SORCS3: variants seen among roughly 807,000 people sequenced by gnomAD.
SORCS3 encodes the protein sortilin related VPS10 domain containing receptor 3, also known as VPS10 domain-containing receptor SorCS3.
In SORCS3, 57 loss-of-function variants were observed where a neutral mutation model predicts 146.3. That is an observed-to-expected ratio of 0.39 (90% CI 0.31 to 0.49). The LOEUF (loss-of-function observed/expected upper bound fraction) is 0.49. Ranked by LOEUF, SORCS3 falls within the 20% of genes least tolerant of loss-of-function variation. The pLI is 0.92. For missense variants in SORCS3, 1,341 were observed against 1,575.5 expected, an observed-to-expected ratio of 0.85 and a Z score of 2.52; for synonymous variants, 653 against 618.5, an observed-to-expected ratio of 1.06 and a Z score of -0.83.
intron 4 of SORCS3, among the ~76,000 whole-genome samples, chr10:104,992,206 G>T (rs1478683018): frequency 6.6e-6 from 1 of 152,264 alleles, no homozygotes; most frequent in East Asian, 1.9e-4. Flanking sequence ...GAGGCCCTGA[G>T]CCTGGTCAGG....
chr10:105,223,163 A>T lies in SORCS3; in HGVS notation c.2782A>T (p.Asn928Tyr). Residue 928 changes from asparagine (N) to tyrosine (Y), a missense_variant, in exon 20 of 27, where the codon AAT (asparagine) becomes TAT (tyrosine). Physicochemically the swap from Asn to Tyr is moderately radical, Grantham distance 143. Coordinates refer to ENST00000369701, the MANE Select transcript of SORCS3 (RefSeq NM_014978.3). The part of the protein sequence containing the change: ...HLRVPFVAIR[N>Y]KEVNISAVVW... ...CCGAGTTCCATTTGTTGCCATAAGA[A>T]ATAAGGAGGTCAACATCAGTGCAGT... is the stretch of plus-strand genomic sequence containing the variant. 1.2e-6 allele frequency: 2 copies of T among 1,613,172 alleles called. No individual in the cohort carries two copies. The highest frequency in any genetic ancestry group is 1.7e-6 in the Non-Finnish European group (2 of 1,179,278).
At chr10:105,163,527 G>C (rs764166822) in intron 11 of SORCS3, among the ~76,000 whole-genome samples, 5 of 152,150 alleles carry the variant, frequency 3.3e-5, no homozygotes, top group Non-Finnish European at 7.3e-5. Flanking sequence ...TAGGCTGTGA[G>C]AAGAGGGCTG....
chr10:104,681,551 C>T (rs769203514), intron 1 of SORCS3, among the ~76,000 whole-genome samples: 2 of 152,196 alleles, frequency 1.3e-5, no homozygotes, highest in African/African-American at 4.8e-5. Context: ...CCTTGGTTTG[C>T]ACTCTAGCCC....
At chr10:105,044,087 G>C (rs2055354208) in intron 5 of SORCS3, among the ~76,000 whole-genome samples, 2 of 152,064 alleles carry the variant, frequency 1.3e-5, no homozygotes, top group South Asian at 4.1e-4. Context: ...AAAAAGATTT[G>C]GTTAGGCACA....
chr10:105,086,604 A>G (rs1336218242), intron 5 of SORCS3, among the ~76,000 whole-genome samples: 1 of 152,184 alleles, frequency 6.6e-6, no homozygotes, highest in Non-Finnish European at 1.5e-5. Context: ...AGCTCCCAAG[A>G]GGCAGAGACT....
chr10:104,974,174 G>T (rs1413022374), intron 3 of SORCS3, among the ~76,000 whole-genome samples: 2 of 152,116 alleles, frequency 1.3e-5, no homozygotes, highest in Non-Finnish European at 2.9e-5. Flanking sequence ...TATATTTTTT[G>T]ATTTGGGGTG....
At chr10:104,765,373 C>T (rs1295929425) in intron 1 of SORCS3, among the ~76,000 whole-genome samples, 1 of 152,322 alleles carries the variant, frequency 6.6e-6, no homozygotes, top group South Asian at 2.1e-4. Context: ...GCTGTATGGT[C>T]GTGGAGCTAG....
chr10:104,663,825 C>G (rs1188447313), intron 1 of SORCS3, among the ~76,000 whole-genome samples: 1 of 152,118 alleles, frequency 6.6e-6, no homozygotes, highest in African/African-American at 2.4e-5. Context: ...CCCCCCACTC[C>G]TCTTTCTTCT....
At chr10:105,138,223 T>C (rs1250515721) in intron 7 of SORCS3, among the ~76,000 whole-genome samples, 1 of 152,194 alleles carries the variant, frequency 6.6e-6, no homozygotes, top group Non-Finnish European at 1.5e-5. Flanking sequence ...GCCTTCATGC[T>C]GACTCTGACA....
At chr10:105,184,165 T>C (rs1052756649) in intron 14 of SORCS3, among the ~76,000 whole-genome samples, 2 of 152,210 alleles carry the variant, frequency 1.3e-5, no homozygotes, top group Non-Finnish European at 2.9e-5. Flanking sequence ...GGCCACACAG[T>C]AAAGATTTTA....
At chr10:104,892,165 C>T (rs754702871) in intron 2 of SORCS3, among the ~76,000 whole-genome samples, 2 of 152,124 alleles carry the variant, frequency 1.3e-5, no homozygotes, top group Non-Finnish European at 2.9e-5. Context: ...AGGGTCTGTT[C>T]ATCTTTCTTG....
intron 5 of SORCS3, among the ~76,000 whole-genome samples, chr10:105,052,032 GGTA>G (rs1196173149): frequency 6.6e-6 from 1 of 152,074 alleles, no homozygotes; most frequent in Non-Finnish European, 1.5e-5. Context: ...TGGTGCACGT[GGTA>G]GTTAGCCATG....
At position 104,641,934 on chromosome 10, in the gene SORCS3, T is replaced by C. The variant is rs780754990; in HGVS notation, c.607T>C (p.Trp203Arg). 1.3e-5 allele frequency: 18 copies of C among 1,373,146 alleles called. No individual in the cohort carries two copies. The South Asian group carries it at 2.1e-4, about 16-fold the overall frequency. 85.1% of individuals were successfully genotyped at this position (1,373,146 alleles called of 1,614,324 possible). Reference protein sequence around the residue: ...DSAHNQAMVHWSGHNSSVILI... With the variant: ...DSAHNQAMVHRSGHNSSVILI... ...GGCCCACAACCAAGCCATGGTGCACTGGTCGGGACACAACAGCAGCGTGAG... is the reference window on the plus strand; with the variant it reads ...GGCCCACAACCAAGCCATGGTGCACCGGTCGGGACACAACAGCAGCGTGAG... Residue 203 changes from tryptophan (W) to arginine (R), a missense_variant, in exon 1 of 27, where the codon TGG (tryptophan) becomes CGG (arginine). Transcript: ENST00000369701. This position sits in a 1 kb window ranked among gnomAD's most constrained non-coding sequence, Gnocchi z 6.4.
intron 1 of SORCS3, among the ~76,000 whole-genome samples, chr10:104,656,382 C>G (rs902193705): frequency 6.6e-6 from 1 of 152,100 alleles, no homozygotes; most frequent in Non-Finnish European, 1.5e-5. Flanking sequence ...GGTGGCCTGG[C>G]CTGGTGGCTT....
chr10:104,987,057 T>A (rs2054966266), intron 4 of SORCS3, among the ~76,000 whole-genome samples: 1 of 152,142 alleles, frequency 6.6e-6, no homozygotes, highest in African/African-American at 2.4e-5. Context: ...AAATGATGTA[T>A]GCCTGTACGC....
At chr10:104,696,255 G>A (rs186574448) in intron 1 of SORCS3, among the ~76,000 whole-genome samples, 3,950 of 72,154 alleles carry the variant, frequency 0.055, 1,617 homozygotes, top group Non-Finnish European at 0.074. Flanking sequence ...TATGATATAT[G>A]ATATATATCA....
intron 4 of SORCS3, among the ~76,000 whole-genome samples, chr10:105,034,035 T>A (rs2055288502): frequency 6.6e-6 from 1 of 152,180 alleles, no homozygotes; most frequent in Non-Finnish European, 1.5e-5. Context: ...CACTTGGGGT[T>A]ATTAAGGAAG....
rs199569872 is a variant in SORCS3, at chr10:105,157,127, T to A, written c.1483-11T>A. On this transcript the variant is annotated splice_polypyrimidine_tract_variant and intron_variant, in intron 9 of 26. Coordinates refer to ENST00000369701, the MANE Select transcript of SORCS3 (RefSeq NM_014978.3). ...CCAGCATGGTTCTCCATCTCTCACC[T>A]TTTTTCCTAGGTAGCAGGTATCAAA... The A allele has an allele frequency of 2.5e-6, 4 of 1,611,572 alleles. No individual in the cohort carries two copies. In the Admixed American group the frequency reaches 5.0e-5, roughly 20 times the overall value.
At chr10:105,218,099 G>A (rs1042437380) in intron 19 of SORCS3, among the ~76,000 whole-genome samples, 1 of 152,188 alleles carries the variant, frequency 6.6e-6, no homozygotes, top group African/African-American at 2.4e-5. Flanking sequence ...AGAGGTCCCT[G>A]GCAAACAGTA....
Sources: gnomAD v4.1 joint callset for allele counts (sites outside exome capture counted in the v4.1 genomes callset) on GRCh38, gnomAD v4.1.1 for gene constraint, Gnocchi (gnomAD v3.1) non-coding constraint, MANE v1.5 for transcripts, NCBI Gene and HGNC (gene_info 2026-07-23, HGNC 2026-07-21) for gene names.